DDX17: variants seen among roughly 807,000 people sequenced by gnomAD.
The protein encoded by DDX17 is DEAD-box helicase 17.
In DDX17, 10 loss-of-function variants were observed where a neutral mutation model predicts 80.8. The ratio of observed to expected loss-of-function variants is 0.12; its 90% CI spans 0.08 to 0.21. DDX17 has a LOEUF of 0.21. DDX17 is among the 10% of genes least tolerant of loss of function. The probability of loss-of-function intolerance (pLI) is 1.00; values close to 1 mark genes in which losing one functional copy is unlikely to be tolerated. For synonymous variants in DDX17, 339 were observed against 336.2 expected (o/e 1.01, Z -0.09); for missense variants, 586 against 957.4 (o/e 0.61, Z 5.12).
chr22:38,503,155 T>C (rs1217554569), intron 1 of DDX17, among the ~76,000 whole-genome samples: 1 of 152,140 alleles, frequency 6.6e-6, no homozygotes, highest in Non-Finnish European at 1.5e-5. Context: ...CAGCGACATA[T>C]TTAATATGCC....
chr22:38,505,100 G>C (rs1434162853), intron 1 of DDX17: 1 of 152,258 alleles, frequency 6.6e-6, no homozygotes, highest in Non-Finnish European at 1.5e-5. Flanking sequence ...GTAGAAACGG[G>C]ATTTCTCCAT....
intron 10 of DDX17, among the ~76,000 whole-genome samples, chr22:38,492,649 G>A (rs908615882): frequency 6.6e-6 from 1 of 152,138 alleles, no homozygotes. Flanking sequence ...ACCATGCCCG[G>A]CTAATTTTGT....
intron 8 of DDX17, 138 bp downstream of exon 8, chr22:38,494,492 G>T: frequency 1.3e-6 from 1 of 768,424 alleles, no homozygotes; most frequent in Non-Finnish European, 2.0e-6. Context: ...ATGATATGAT[G>T]ATGGATTATC....
intron 6 of DDX17, 62 bp downstream of exon 6, chr22:38,495,734 T>C (rs1041575700): frequency 8.2e-6 from 11 of 1,341,810 alleles, no homozygotes; most frequent in Admixed American, 2.7e-5. Flanking sequence ...TTCTCCAATT[T>C]CCTCCACAGG....
intron 8 of DDX17, 116 bp downstream of exon 8, chr22:38,494,514 A>C (rs1015237889): frequency 2.3e-6 from 2 of 885,292 alleles, no homozygotes; most frequent in Non-Finnish European, 3.4e-6. Flanking sequence ...GAAACCTAGC[A>C]ATGCTTTTAA....
rs1013906679 is a variant in DDX17 at position 38,489,721 on chromosome 22, A to T, written c.1448-1606T>A. 2 of 985,334 alleles carry T rather than the reference A, an allele frequency of 2.0e-6. No individual in the cohort carries two copies. The highest frequency in any genetic ancestry group is 2.4e-6 in the Non-Finnish European group (2 of 829,928). The allele number at this position is 985,334 out of a possible 1,614,324, so 61.0% of individuals were successfully genotyped here. A position where few individuals can be genotyped will look rare whatever the true frequency, so the allele number is the denominator to read the frequency against. Reference sequence around the variant, plus strand: ...GGCTCCTCGGTCTTTACTGACCCCTAAAGTCCTGAATCACACCAGAAAGAC... The same window carrying T: ...GGCTCCTCGGTCTTTACTGACCCCTTAAGTCCTGAATCACACCAGAAAGAC... On this transcript the variant is annotated intron_variant, in intron 11 of 12. Transcript: ENST00000403230. This position sits in a 1 kb window ranked among gnomAD's most constrained non-coding sequence, Gnocchi z 4.6.
At chr22:38,499,159 TTTCA>T (rs1393402333) in intron 3 of DDX17, among the ~76,000 whole-genome samples, 5 of 152,180 alleles carry the variant, frequency 3.3e-5, no homozygotes, top group Admixed American at 3.3e-4. Context: ...TAGAAAGCAA[TTTCA>T]TTCTGCTGTT....
chr22:38,486,398 G>T lies in DDX17; in HGVS notation c.1727C>A (p.Pro576His). 1 of 1,612,758 alleles carries T rather than the reference G, an allele frequency of 6.2e-7. No homozygotes were observed. Among genetic ancestry groups the T allele is most frequent in the South Asian group, 1.1e-5 (1 of 90,796 alleles). Residue 576 changes from proline (P) to histidine (H), a missense_variant, in exon 13 of 13, where the codon CCC becomes CAC. Transcript: ENST00000403230. ...ACACTCATCCTGATACATCAGATTG[G>T]GATTGTTGGCTGAAGAAGTGGTCCG... is the stretch of plus-strand genomic sequence containing the variant.
intron 12 of DDX17, among the ~76,000 whole-genome samples, chr22:38,487,486 G>C (rs2089671781): frequency 1.3e-5 from 2 of 152,108 alleles, no homozygotes; most frequent in Admixed American, 1.3e-4. Flanking sequence ...GGGTGTGCTG[G>C]CGGGTGCCTG....
rs1569135012 is a variant in DDX17, at chr22:38,483,604, G to A, written c.*2331C>T. 3 of 152,662 alleles carry A rather than the reference G, an allele frequency of 2.0e-5. No homozygotes were observed. The highest frequency in any genetic ancestry group is 3.4e-3 in the Middle Eastern group (1 of 294). The allele number at this position is 152,662 out of a possible 1,614,324, so 9.5% of individuals were successfully genotyped here. ...TCTTAATGCAACAGGAATGTGTCTGGAGACCAGCAAGAACATCAATAGAGA... is the reference window on the plus strand; with the variant it reads ...TCTTAATGCAACAGGAATGTGTCTGAAGACCAGCAAGAACATCAATAGAGA... On this transcript the variant is annotated 3_prime_UTR_variant, in exon 13 of 13. Transcript: ENST00000403230.
Position 38,489,977 on chromosome 22 carries a change from A to T in DDX17, c.1448-1862T>A, listed in dbSNP as rs2089697248. ...CTGGATGCGTTAAGTGTGCTTTCCTAGCAGAAAGCACCAGGGTGGAGTCAA... is the reference window on the plus strand; with the variant it reads ...CTGGATGCGTTAAGTGTGCTTTCCTTGCAGAAAGCACCAGGGTGGAGTCAA... On this transcript the variant is annotated intron_variant, in intron 11 of 12. Transcript: ENST00000403230. The surrounding 1 kb of genome is among the most constrained non-coding windows in gnomAD (Gnocchi z 4.6). 9.9e-7 allele frequency: 1 copy of T among 1,012,702 alleles called. No homozygotes were observed. Among genetic ancestry groups the T allele is most frequent in the African/African-American group, 1.7e-5 (1 of 57,838 alleles). 62.7% of individuals were successfully genotyped at this position (1,012,702 alleles called of 1,614,324 possible).
chr22:38,495,685 C>G, intron 6 of DDX17, 111 bp downstream of exon 6: 1 of 830,028 alleles, frequency 1.2e-6, no homozygotes, highest in South Asian at 2.7e-5. Flanking sequence ...AATTTCTAAG[C>G]TGCTGAAATT....
At chr22:38,495,979 T>TAAAAAAAAAAAAAA (rs201173235) in intron 5 of DDX17, 42 bp from the exon 6 acceptor site, 1 of 761,462 alleles carries the variant, frequency 1.3e-6, no homozygotes, top group African/African-American at 2.2e-5. Context: ...ATCCAAGGTT[T>TAAAAAAAAAAAAAA]AAAAAAAAAA....
intron 11 of DDX17, 184 bp downstream of exon 11, chr22:38,491,872 A>G: frequency 2.3e-6 from 1 of 442,188 alleles, no homozygotes; most frequent in Non-Finnish European, 3.8e-6. Context: ...GGGAAACCAA[A>G]GTTAAAAAAA....
In DDX17 at chr22:38,485,513, A is replaced by G. The variant is rs1325480020; in HGVS notation, c.*422T>C. The G allele has an allele frequency of 6.6e-6, 1 of 152,198 alleles. No individual in the cohort carries two copies. The highest frequency in any genetic ancestry group is 2.4e-5 in the African/African-American group (1 of 41,388). 9.4% of individuals were successfully genotyped at this position (152,198 alleles called of 1,614,324 possible). A position where few individuals can be genotyped will look rare whatever the true frequency, so the allele number is the denominator to read the frequency against. ...AGCACAGATGCCATCTTCCTCTGCA[A>G]AACAATTCAGCCCTCCCCCTCCCTC... On this transcript the variant is annotated 3_prime_UTR_variant, in exon 13 of 13. Transcript: ENST00000403230.
rs1398000933 is a variant in DDX17 at position 38,489,361 on chromosome 22, A to G, written c.1448-1246T>C. On this transcript the variant is annotated intron_variant, in intron 11 of 12. Transcript: ENST00000403230. This position sits in a 1 kb window ranked among gnomAD's most constrained non-coding sequence, Gnocchi z 4.6. The stretch of plus-strand genomic sequence containing the variant: ...ACTGGAGCGCGGGGAGCATGCATCA[A>G]GGGTCCGTGGCAGTGAGAAGTCCCC... 2.0e-6 allele frequency: 2 copies of G among 985,576 alleles called. No individual in the cohort carries two copies. The highest frequency in any genetic ancestry group is 3.5e-5 in the African/African-American group (2 of 57,174). The allele number at this position is 985,576 out of a possible 1,614,324, so 61.1% of individuals were successfully genotyped here.
intron 1 of DDX17, among the ~76,000 whole-genome samples, chr22:38,502,864 A>T (rs572666776): frequency 3.1e-4 from 47 of 152,342 alleles, no homozygotes; most frequent in African/African-American, 1.0e-3. Flanking sequence ...ACTTCATCTT[A>T]TATAAAGTTC....
At chr22:38,504,790 G>T (rs748615479) in intron 1 of DDX17, among the ~76,000 whole-genome samples, 19 of 152,008 alleles carry the variant, frequency 1.2e-4, no homozygotes, top group Non-Finnish European at 2.8e-4. Flanking sequence ...CTTAATTCCT[G>T]ACAACACAGC....
At chr22:38,491,818 T>G in intron 11 of DDX17, 1 of 393,484 alleles carries the variant, frequency 2.5e-6, no homozygotes, top group Non-Finnish European at 4.4e-6. Context: ...CCAAAGCCTG[T>G]TTGTTAGGAG....
Sources: gnomAD v4.1 joint callset for allele counts (sites outside exome capture counted in the v4.1 genomes callset) on GRCh38, gnomAD v4.1.1 for gene constraint, Gnocchi (gnomAD v3.1) non-coding constraint, MANE v1.5 for transcripts, NCBI Gene and HGNC (gene_info 2026-07-23, HGNC 2026-07-21) for gene names.